KLHL6: variants seen among roughly 807,000 people sequenced by gnomAD.
KLHL6 encodes kelch like family member 6, also known as kelch-like protein 6.
A neutral mutation model predicts 58.6 loss-of-function variants in KLHL6; 41 were observed. That is an observed-to-expected ratio of 0.70 (90% confidence interval 0.55 to 0.91). The LOEUF (loss-of-function observed/expected upper bound fraction) is 0.91, where lower values mean the gene tolerates loss of function less well. KLHL6 is among the 40% of genes least tolerant of loss of function. The pLI, the probability that KLHL6 is intolerant of heterozygous loss-of-function variation, is 0.00. For synonymous variants in KLHL6, 338 were observed against 322.7 expected (o/e 1.05, Z -0.51); for missense variants, 714 against 805.6 (o/e 0.89, Z 1.38).
In KLHL6 at chr3:183,548,405, A is replaced by G. The variant is rs2108698666; in HGVS notation, c.293+6956T>C. On this transcript the variant is annotated intron_variant, in intron 1 of 6. Coordinates refer to ENST00000341319, the MANE Select transcript of KLHL6 (RefSeq NM_130446.4). The stretch of plus-strand genomic sequence containing the variant: ...TGACTGGCCCTTCCTTCATGCATAG[A>G]AAAGCTTCCAGGCTGAGGCTGAGTC... Among the ~76,000 whole-genome samples, 5 of 152,220 alleles carry G rather than the reference A, an allele frequency of 3.3e-5. No individual in the cohort carries two copies. The South Asian group carries it at 1.0e-3, about 32-fold the overall frequency.
At chr3:183,498,021 G>A (rs1717763423) in intron 4 of KLHL6, among the ~76,000 whole-genome samples, 1 of 152,034 alleles carries the variant, frequency 6.6e-6, no homozygotes, top group African/African-American at 2.4e-5. Flanking sequence ...GGATCACAAG[G>A]TCAGGAGTTC....
At chr3:183,527,802 C>T in intron 2 of KLHL6, 43 bp downstream of exon 2, 1 of 1,602,288 alleles carries the variant, frequency 6.2e-7, no homozygotes, top group Non-Finnish European at 8.5e-7. Context: ...TTACTGCATT[C>T]ACCTGCTTCA....
At chr3:183,525,296 T>G (rs1351183089) in intron 2 of KLHL6, among the ~76,000 whole-genome samples, 1 of 60,902 alleles carries the variant, frequency 1.6e-5, no homozygotes. Context: ...ACACACACAC[T>G]TTTAAACATG....
chr3:183,554,371 C>A (rs896110676), intron 1 of KLHL6, among the ~76,000 whole-genome samples: 1 of 152,200 alleles, frequency 6.6e-6, no homozygotes, highest in African/African-American at 2.4e-5. Context: ...ACCCTTTTCA[C>A]GCTCTTGTTT....
intron 1 of KLHL6, among the ~76,000 whole-genome samples, chr3:183,534,073 C>CCTTTAAGAGTACTTTACTTTTAAAGTA (rs1712247929): frequency 2.6e-5 from 1 of 38,854 alleles, no homozygotes; most frequent in Non-Finnish European, 4.7e-5. Context: ...TAATCACCAG[C>CCTTTAAGAGTACTTTACTTTTAAAGTA]CTTTAAAAGT....
At chr3:183,531,852 T>C (rs1364583007) in intron 1 of KLHL6, among the ~76,000 whole-genome samples, 1 of 152,250 alleles carries the variant, frequency 6.6e-6, no homozygotes, top group African/African-American at 2.4e-5. Flanking sequence ...GGTTCACAGC[T>C]GGTGAGGAAT....
intron 3 of KLHL6, among the ~76,000 whole-genome samples, chr3:183,502,564 T>C (rs1717896811): frequency 6.6e-6 from 1 of 152,156 alleles, no homozygotes; most frequent in Non-Finnish European, 1.5e-5. Flanking sequence ...CTCTCAGTCT[T>C]TCTTAGGTCA....
chr3:183,510,083 T>C (rs1363785465), intron 2 of KLHL6, among the ~76,000 whole-genome samples: 2 of 152,210 alleles, frequency 1.3e-5, no homozygotes, highest in East Asian at 3.9e-4. Context: ...CAAAGCACTG[T>C]TATATCCATT....
At chr3:183,501,644 C>T (rs1348640467) in intron 3 of KLHL6, among the ~76,000 whole-genome samples, 1 of 152,174 alleles carries the variant, frequency 6.6e-6, no homozygotes, top group Non-Finnish European at 1.5e-5. Context: ...GTTCCTTGGT[C>T]CTGACCTACG....
intron 1 of KLHL6, 49 bp downstream of exon 1, chr3:183,555,312 C>T: frequency 1.3e-6 from 2 of 1,557,054 alleles, no homozygotes; most frequent in Non-Finnish European, 1.8e-6. Flanking sequence ...TAACACACCT[C>T]TTCCTTGCAA....
chr3:183,532,652 T>C (rs1005480936), intron 1 of KLHL6, among the ~76,000 whole-genome samples: 8 of 152,144 alleles, frequency 5.3e-5, no homozygotes, highest in African/African-American at 1.4e-4. Flanking sequence ...GCCATAAAGA[T>C]GCAAGGGCAT....
At chr3:183,509,842 A>C (rs556700448) in intron 2 of KLHL6, among the ~76,000 whole-genome samples, 33 of 152,360 alleles carry the variant, frequency 2.2e-4, no homozygotes, top group African/African-American at 7.7e-4. Context: ...GGAATATACT[A>C]TATAAATAAT....
intron 2 of KLHL6, among the ~76,000 whole-genome samples, chr3:183,516,413 G>C (rs2108679150): frequency 6.6e-6 from 1 of 152,342 alleles, no homozygotes; most frequent in Admixed American, 6.5e-5. Context: ...TCAGAGCTGA[G>C]AGATGACAGA....
intron 1 of KLHL6, among the ~76,000 whole-genome samples, chr3:183,543,817 T>C (rs1712629187): frequency 6.6e-6 from 1 of 152,214 alleles, no homozygotes; most frequent in Non-Finnish European, 1.5e-5. Flanking sequence ...AGAGCATCTC[T>C]TCAGAAAGGG....
At chr3:183,497,186 C>T (rs1178724695) in intron 4 of KLHL6, among the ~76,000 whole-genome samples, 17 of 152,160 alleles carry the variant, frequency 1.1e-4, no homozygotes, top group South Asian at 6.2e-4. Flanking sequence ...CCAAAGCAGG[C>T]GGATAACCTG....
intron 2 of KLHL6, among the ~76,000 whole-genome samples, chr3:183,524,267 C>T (rs1311811599): frequency 1.3e-5 from 2 of 152,158 alleles, no homozygotes; most frequent in Non-Finnish European, 2.9e-5. Flanking sequence ...GAAAGGGAGA[C>T]CTTTGGCTTC....
intron 1 of KLHL6, among the ~76,000 whole-genome samples, chr3:183,537,324 A>G (rs1389991256): frequency 6.6e-6 from 1 of 152,194 alleles, no homozygotes; most frequent in Non-Finnish European, 1.5e-5. Flanking sequence ...GCGGGGGATC[A>G]ACTCAGTGTC....
Position 183,536,407 on chromosome 3 carries a change from G to A in KLHL6, c.294-8397C>T, listed in dbSNP as rs1712367747. Among the ~76,000 whole-genome samples, 5 of 152,226 alleles carry A rather than the reference G, an allele frequency of 3.3e-5. No individual in the cohort carries two copies. In the South Asian group the frequency reaches 8.3e-4, roughly 25 times the overall value. ...CTCCAGCACATCTGGCTTTGTGTAT[G>A]TGTGAGTTTGCATGTGCACAAGCCA... On this transcript the variant is annotated intron_variant, in intron 1 of 6. Transcript: ENST00000341319.
chr3:183,512,763 T>C (rs1453737007), intron 2 of KLHL6, among the ~76,000 whole-genome samples: 8 of 152,102 alleles, frequency 5.3e-5, no homozygotes, highest in Admixed American at 5.2e-4. Flanking sequence ...AGTGTTGGCA[T>C]TACAGGCATG....
Sources: allele counts gnomAD v4.1 joint callset (sites outside exome capture counted in the v4.1 genomes callset), GRCh38; gene constraint gnomAD v4.1.1; transcripts MANE v1.5; gene names NCBI Gene and HGNC (gene_info 2026-07-23, HGNC 2026-07-21).